The following RIPOR2 variants were observed in gnomAD, a reference collection of about 807,000 sequenced individuals.
RIPOR2 encodes the protein rho family-interacting cell polarization regulator 2.
Under a neutral mutation model 114.5 loss-of-function variants are expected in RIPOR2, and 39 were observed. The observed-to-expected ratio is 0.34, with a 90% CI of 0.26 to 0.44. The LOEUF is 0.44. Ranked by LOEUF, RIPOR2 falls within the 20% of genes least tolerant of loss-of-function variation. The pLI is 1.00. For missense variants in RIPOR2, 1,007 were observed against 1,255.1 expected, an observed-to-expected ratio of 0.80 and a Z score of 2.99; for synonymous variants, 445 against 484.4, an observed-to-expected ratio of 0.92 and a Z score of 1.07.
intron 1 of RIPOR2, among the ~76,000 whole-genome samples, chr6:24,930,673 G>T (rs746740628): frequency 4.6e-5 from 7 of 152,222 alleles, no homozygotes; most frequent in African/African-American, 7.2e-5. Flanking sequence ...GGAGGTCTTT[G>T]TCTGCTCCAG....
upstream of RIPOR2, chr6:25,042,101 T>A: frequency 1.9e-6 from 1 of 524,950 alleles, no homozygotes; most frequent in East Asian, 3.1e-5. Context: ...TTGACTTCTT[T>A]TATCTTGTAA....
At chr6:24,958,796 G>GA (rs1740895310) in intron 1 of RIPOR2, among the ~76,000 whole-genome samples, 1 of 152,008 alleles carries the variant, frequency 6.6e-6, no homozygotes, top group Non-Finnish European at 1.5e-5. Context: ...TCACAGTTCT[G>GA]GAGGCTGGAG....
intron 12 of RIPOR2, 123 bp downstream of exon 12, chr6:24,847,902 G>A: frequency 7.5e-7 from 1 of 1,332,712 alleles, no homozygotes. Flanking sequence ...GAAAAACAGA[G>A]GAGGCTCACC....
chr6:24,943,951 G>T (rs1772276141), intron 1 of RIPOR2, among the ~76,000 whole-genome samples: 3 of 152,216 alleles, frequency 2.0e-5, no homozygotes, highest in Non-Finnish European at 4.4e-5. Context: ...TTGTTGAAAA[G>T]AATCACAGGC....
In RIPOR2 at chr6:24,961,678, A is replaced by C. The variant is rs563795712; in HGVS notation, c.76+80173T>G. ...AGTCTCGCTCTGTCACCCAGGCTGG[A>C]GTGCAGTGGCACAATCTAAGCTCAC... On this transcript the variant is annotated intron_variant, in intron 1 of 13. Coordinates refer to the RIPOR2 transcript ENST00000510784. Among the ~76,000 whole-genome samples the C allele has an allele frequency of 2.6e-4, 39 of 150,200 alleles. 1 individual carries two copies. Among genetic ancestry groups the C allele is most frequent in the Non-Finnish European group, 4.1e-4 (28 of 67,770 alleles).
upstream of RIPOR2, among the ~76,000 whole-genome samples, chr6:24,936,353 C>T (rs1293869775): frequency 6.6e-6 from 1 of 152,210 alleles, no homozygotes; most frequent in Non-Finnish European, 1.5e-5. Context: ...GAAAGTAAAG[C>T]AAGCCACTAT....
At chr6:24,840,904 G>C (rs1477681496) in intron 13 of RIPOR2, 11 of 851,674 alleles carry the variant, frequency 1.3e-5, no homozygotes, top group Middle Eastern at 2.7e-4. Context: ...GTCTCAGGGG[G>C]AGACAGGGAG....
At chr6:24,826,204 G>T (rs1165921347) in intron 18 of RIPOR2, among the ~76,000 whole-genome samples, 2 of 152,122 alleles carry the variant, frequency 1.3e-5, no homozygotes, top group Non-Finnish European at 2.9e-5. Flanking sequence ...TAGGATTACA[G>T]GTGTAAGCCA....
intron 1 of RIPOR2, among the ~76,000 whole-genome samples, chr6:24,978,251 C>T (rs79738650): frequency 3.1e-4 from 47 of 152,102 alleles, no homozygotes; most frequent in East Asian, 2.3e-3. Flanking sequence ...GCCACTGGCA[C>T]GGTTTTAGGC....
At chr6:24,853,408 C>T (rs1262528546) in intron 8 of RIPOR2, among the ~76,000 whole-genome samples, 6 of 152,158 alleles carry the variant, frequency 3.9e-5, no homozygotes, top group African/African-American at 1.4e-4. Flanking sequence ...CTTTTTCTTT[C>T]TTTTTGTAGA....
chr6:25,029,610 C>T (rs906359631), intron 1 of RIPOR2, among the ~76,000 whole-genome samples: 9 of 151,850 alleles, frequency 5.9e-5, no homozygotes, highest in African/African-American at 2.2e-4. Context: ...TGGGACCCTC[C>T]GTGCCCCACA....
intron 1 of RIPOR2, chr6:25,023,276 CG>C (rs1283608312): frequency 1.3e-5 from 10 of 750,494 alleles, no homozygotes; most frequent in Non-Finnish European, 2.2e-5. Flanking sequence ...GCTCTGCAGA[CG>C]ATGATATTCC....
chr6:24,926,080 T>A (rs1374404549), intron 1 of RIPOR2, among the ~76,000 whole-genome samples: 3 of 152,210 alleles, frequency 2.0e-5, no homozygotes, highest in Non-Finnish European at 2.9e-5. Flanking sequence ...CATTTAAAAA[T>A]CTTAATTGCT....
chr6:24,828,787 A>C (rs777114787), intron 17 of RIPOR2, among the ~76,000 whole-genome samples: 3 of 152,048 alleles, frequency 2.0e-5, no homozygotes, highest in Admixed American at 6.6e-5. Context: ...AAGAGAAGGA[A>C]GGAAGGAAAG....
chr6:24,947,379 G>A (rs1323034034), intron 1 of RIPOR2, among the ~76,000 whole-genome samples: 1 of 152,206 alleles, frequency 6.6e-6, no homozygotes, highest in African/African-American at 2.4e-5. Flanking sequence ...TATCGAGTAA[G>A]AAATCACCAT....
intron 2 of RIPOR2, among the ~76,000 whole-genome samples, chr6:24,874,442 C>T (rs17839854): frequency 0.02 from 2,991 of 152,222 alleles, 48 homozygotes; most frequent in African/African-American, 0.044. Flanking sequence ...CTTGTGTTCA[C>T]ACTAGTGTCC....
In RIPOR2 at chr6:24,882,771, T is replaced by A. The variant is rs117756269; in HGVS notation, c.62-6954A>T. ...TTTGTATCCTGCTTTTTCTATCGGA[T>A]TCTTTTTTTAAAGCTATGCCGAGGG... On this transcript the variant is annotated intron_variant, in intron 1 of 21. Transcript: ENST00000643898. 4.1e-4 allele frequency among the ~76,000 whole-genome samples: 63 copies of A among 152,346 alleles called. No homozygotes were observed. The East Asian group carries it at 9.2e-3, about 22-fold the overall frequency.
At position 24,843,005 on chromosome 6, in the gene RIPOR2, A is replaced by T. The variant is rs1446417500; in HGVS notation, c.1714T>A (p.Ser572Thr). The T allele has an allele frequency of 6.3e-7, 1 of 1,594,440 alleles. No homozygotes were observed. Among genetic ancestry groups the T allele is most frequent in the Admixed American group, 1.8e-5 (1 of 57,126 alleles). The change falls in exon 13 of 22, where the codon TCT becomes ACT. Residue 572 changes from serine to threonine, a missense_variant. Transcript: ENST00000643898. ...LLSEGSVGGE[S>T]EGCRSFLDGS... ...TCTAGAAAGGATCTGCAGCCTTCAG[A>T]TTCTCCACCAACAGAACCCTCAGAG...
chr6:24,925,563 G>A (rs1488601087), intron 1 of RIPOR2, among the ~76,000 whole-genome samples: 3 of 152,120 alleles, frequency 2.0e-5, no homozygotes, highest in Non-Finnish European at 2.9e-5. Context: ...TTAGCTGGGC[G>A]TGGTGGCACA....
Sources: gnomAD v4.1 joint callset for allele counts (sites outside exome capture counted in the v4.1 genomes callset) on GRCh38, gnomAD v4.1.1 for gene constraint, MANE v1.5 for transcripts, NCBI Gene and HGNC (gene_info 2026-07-23, HGNC 2026-07-21) for gene names.